The following CUL2 variants were observed in gnomAD, a reference collection of about 807,000 sequenced individuals.
The protein encoded by CUL2 is cullin 2, also known as cullin-2.
In CUL2, 22 loss-of-function variants were observed where a neutral mutation model predicts 110.2. The ratio of observed to expected loss-of-function variants is 0.20; its 90% CI spans 0.14 to 0.28. CUL2 has a LOEUF of 0.28. Among genes scored for constraint, CUL2 ranks in the 10% least tolerant of loss-of-function variants. The probability of loss-of-function intolerance (pLI) is 1.00; values close to 1 mark genes in which losing one functional copy is unlikely to be tolerated. For synonymous variants in CUL2, 279 were observed against 293.2 expected, an observed-to-expected ratio of 0.95 and a Z score of 0.49; for missense variants, 631 against 905.5, an observed-to-expected ratio of 0.70 and a Z score of 3.89.
chr10:35,123,530 C>T (rs925038047), intron 1 of CUL2, among the ~76,000 whole-genome samples: 2 of 152,030 alleles, frequency 1.3e-5, no homozygotes, highest in African/African-American at 2.4e-5. Flanking sequence ...GCAAAAGCAA[C>T]AGGACTTAGC....
chr10:35,029,512 A>G lies in CUL2; in HGVS notation c.1515T>C (p.Ile505=). Residue 505 remains isoleucine (I), a synonymous_variant, in exon 15 of 21, where the codon ATT becomes ATC. Coordinates refer to ENST00000374749, the MANE Select transcript of CUL2 (RefSeq NM_003591.4). ...CCTGTAGAACATATATTTGAAAACT[A>G]ATTCCCAAATCTATTACTGTGTCTT... The part of the protein sequence containing the change: ...KNQDTVIDLG[I]SFQIYVLQAG... 1 of 1,563,580 alleles carries G rather than the reference A, an allele frequency of 6.4e-7. No homozygotes were observed.
intron 1 of CUL2, among the ~76,000 whole-genome samples, chr10:35,079,890 G>A (rs1274586655): frequency 6.6e-6 from 1 of 152,164 alleles, no homozygotes; most frequent in Non-Finnish European, 1.5e-5. Flanking sequence ...CAGTCTATCT[G>A]ATAATCAAGA....
intron 1 of CUL2, among the ~76,000 whole-genome samples, chr10:35,083,522 G>A (rs1428243327): frequency 6.6e-6 from 1 of 152,152 alleles, no homozygotes; most frequent in Non-Finnish European, 1.5e-5. Flanking sequence ...CCTTGGAAAA[G>A]TGATTGATTC....
upstream of CUL2, among the ~76,000 whole-genome samples, chr10:35,091,927 C>A (rs1428711430): frequency 2.6e-5 from 4 of 152,088 alleles, no homozygotes; most frequent in East Asian, 1.9e-4. Context: ...CGTGTCAGGC[C>A]CCCCCTGCTT....
At chr10:35,082,823 C>G (rs2086974521) in intron 1 of CUL2, among the ~76,000 whole-genome samples, 2 of 152,142 alleles carry the variant, frequency 1.3e-5, no homozygotes, top group African/African-American at 2.4e-5. Context: ...CTTGATGTCA[C>G]ATTATTCATT....
intron 17 of CUL2, among the ~76,000 whole-genome samples, chr10:35,018,744 C>T (rs867038889): frequency 6.4e-4 from 60 of 94,136 alleles, no homozygotes; most frequent in African/African-American, 2.5e-3. Flanking sequence ...GCCTGGGTAA[C>T]AAGAGCGAAA....
chr10:35,030,028 A>G (rs1254668282), intron 14 of CUL2, among the ~76,000 whole-genome samples: 12 of 152,230 alleles, frequency 7.9e-5, no homozygotes, highest in Non-Finnish European at 7.3e-5. Flanking sequence ...CCATGCTGCA[A>G]CGCAGTGGCT....
chr10:35,029,440 C>T (rs757156045), intron 15 of CUL2, 48 bp downstream of exon 15: 11 of 1,225,378 alleles, frequency 9.0e-6, no homozygotes, highest in South Asian at 8.4e-5. Flanking sequence ...TTTGTATCAA[C>T]GTACTGAAAT....
chr10:35,109,906 G>A (rs909288543), intron 1 of CUL2, among the ~76,000 whole-genome samples: 9 of 152,200 alleles, frequency 5.9e-5, no homozygotes, highest in African/African-American at 2.2e-4. Context: ...AGGCATGGTG[G>A]CTCACACCTG....
At chr10:35,089,420 G>A (rs1337111449) in intron 1 of CUL2, among the ~76,000 whole-genome samples, 1 of 152,202 alleles carries the variant, frequency 6.6e-6, no homozygotes, top group Non-Finnish European at 1.5e-5. Context: ...AGGTAGGCTT[G>A]GCCAGGTCTA....
At chr10:35,032,251 T>C (rs1483915678) in intron 12 of CUL2, among the ~76,000 whole-genome samples, 184 bp downstream of exon 12, 2 of 152,224 alleles carry the variant, frequency 1.3e-5, no homozygotes, top group Non-Finnish European at 2.9e-5. Flanking sequence ...GTAAAATGGT[T>C]ATTCTTTAAG....
intron 16 of CUL2, among the ~76,000 whole-genome samples, chr10:35,026,777 T>C (rs1480672414): frequency 6.6e-6 from 1 of 152,206 alleles, no homozygotes; most frequent in Non-Finnish European, 1.5e-5. Flanking sequence ...AAAATAATTG[T>C]GTTAGCAAAG....
intron 17 of CUL2, among the ~76,000 whole-genome samples, chr10:35,024,559 A>ACACAGTC (rs2085290303): frequency 6.6e-6 from 1 of 152,228 alleles, no homozygotes; most frequent in African/African-American, 2.4e-5. Context: ...GCAACTCCAC[A>ACACAGTC]CACAGTCCAC....
chr10:35,107,267 C>G (rs1467019283), intron 1 of CUL2, among the ~76,000 whole-genome samples: 1 of 151,840 alleles, frequency 6.6e-6, no homozygotes, highest in African/African-American at 2.4e-5. Flanking sequence ...AGCCACCGCG[C>G]CCAGCTGCCC....
At chr10:35,109,595 G>A (rs898085911) in intron 1 of CUL2, among the ~76,000 whole-genome samples, 14 of 152,320 alleles carry the variant, frequency 9.2e-5, no homozygotes, top group African/African-American at 1.9e-4. Flanking sequence ...TGACATTTGC[G>A]TTTACACGGC....
chr10:35,074,092 C>A, intron 1 of CUL2: 5 of 1,120,448 alleles, frequency 4.5e-6, no homozygotes, highest in Non-Finnish European at 6.5e-6. Flanking sequence ...TTGCCAGGCA[C>A]CATTCCAAGC....
intron 1 of CUL2, among the ~76,000 whole-genome samples, chr10:35,123,063 G>A (rs1011610960): frequency 6.6e-6 from 1 of 152,138 alleles, no homozygotes; most frequent in Admixed American, 6.5e-5. Flanking sequence ...GCTTGAGCCT[G>A]GGAGGTCAAG....
intron 2 of CUL2, among the ~76,000 whole-genome samples, chr10:35,096,496 C>T (rs1027896748): frequency 1.3e-5 from 2 of 151,978 alleles, no homozygotes; most frequent in African/African-American, 2.4e-5. Flanking sequence ...GCCTGTAGTC[C>T]CAGCTACTCT....
chr10:35,023,337 A>G (rs1364349240), intron 17 of CUL2, among the ~76,000 whole-genome samples: 5 of 152,094 alleles, frequency 3.3e-5, no homozygotes, highest in Admixed American at 2.0e-4. Context: ...AAAAAAATAA[A>G]CTTATAAGGT....
Sources: gnomAD v4.1 joint callset for allele counts (sites outside exome capture counted in the v4.1 genomes callset) on GRCh38, gnomAD v4.1.1 for gene constraint, MANE v1.5 for transcripts, NCBI Gene and HGNC (gene_info 2026-07-23, HGNC 2026-07-21) for gene names.